MRPL2: variants seen among roughly 807,000 people sequenced by gnomAD.
The protein encoded by MRPL2 is mitochondrial ribosomal protein L2.
Under a neutral mutation model 34.6 loss-of-function variants are expected in MRPL2, and 27 were observed. That is an observed-to-expected ratio of 0.78 (90% CI 0.58 to 1.08). The LOEUF (loss-of-function observed/expected upper bound fraction) is 1.08, where lower values mean the gene tolerates loss of function less well. Among genes scored for constraint, MRPL2 ranks in the 50% least tolerant of loss-of-function variants. MRPL2 has a pLI of 0.00. For missense variants in MRPL2, 414 were observed against 419.3 expected, an observed-to-expected ratio of 0.99 and a Z score of 0.11; for synonymous variants, 155 against 158.0, an observed-to-expected ratio of 0.98 and a Z score of 0.14.
At chr6:43,059,258 A>T in intron 1 of MRPL2, 28 bp downstream of exon 1, 1 of 1,551,236 alleles carries the variant, frequency 6.4e-7, no homozygotes. Context: ...GAATGGAAGC[A>T]GCCTTCTTCC....
At position 43,059,406 on chromosome 6, in the gene MRPL2, C is replaced by A. The variant is rs897492168; in HGVS notation, c.-25G>T. ...TCAGCACGACACCCTTACTTTTAGC[C>A]AAGCTGCTCGGTGCTCCTAGATGAC... On this transcript the variant is annotated 5_prime_UTR_variant, in exon 1 of 7. Transcript: ENST00000388752. 3 of 1,524,142 alleles carry A rather than the reference C, an allele frequency of 2.0e-6. No homozygotes were observed. Among genetic ancestry groups the A allele is most frequent in the Non-Finnish European group, 2.7e-6 (3 of 1,129,986 alleles). 94.4% of individuals were successfully genotyped at this position (1,524,142 alleles called of 1,614,324 possible). A position where few individuals can be genotyped will look rare whatever the true frequency, so the allele number is the denominator to read the frequency against.
chr6:43,056,786 T>C (rs1413058341), intron 2 of MRPL2, among the ~76,000 whole-genome samples: 1 of 151,878 alleles, frequency 6.6e-6, no homozygotes, highest in African/African-American at 2.4e-5. Context: ...GCCATTCTCC[T>C]GCCTCAGTCT....
chr6:43,058,314 C>G, intron 1 of MRPL2, 81 bp from the exon 2 acceptor site: 1 of 1,418,548 alleles, frequency 7.0e-7, no homozygotes, highest in Non-Finnish European at 9.8e-7. Context: ...GGGCACAGAT[C>G]AATTTTAGCT....
chr6:43,058,771 C>T (rs1764974485), intron 1 of MRPL2, among the ~76,000 whole-genome samples: 1 of 152,296 alleles, frequency 6.6e-6, no homozygotes, highest in Non-Finnish European at 1.5e-5. Context: ...GGATACCTTC[C>T]CCTGAGGCCA....
In MRPL2 at chr6:43,054,224, G is replaced by T; in HGVS notation, c.*50C>A. ...AAAAAACACCCAAAACAAAACCACA[G>T]TAACAGATTAAAACGGGGGGGGGGG... On this transcript the variant is annotated 3_prime_UTR_variant, in exon 7 of 7. Transcript: ENST00000388752. 8.2e-7 allele frequency: 1 copy of T among 1,221,446 alleles called. No homozygotes were observed. Among genetic ancestry groups the T allele is most frequent in the Non-Finnish European group, 1.1e-6 (1 of 884,810 alleles). 75.7% of individuals were successfully genotyped at this position (1,221,446 alleles called of 1,614,324 possible).
In MRPL2 at chr6:43,058,957, G is replaced by T. The variant is rs559963277; in HGVS notation, c.96+329C>A. ...CATCTATAAAATGGGAATAGTAACT[G>T]CCTTATAGAGTATTTGAAAGGAGTT... is the stretch of plus-strand genomic sequence containing the variant. On this transcript the variant is annotated intron_variant, in intron 1 of 6. Coordinates refer to ENST00000388752, the MANE Select transcript of MRPL2 (RefSeq NM_015950.5). 3 of 627,552 alleles carry T rather than the reference G, an allele frequency of 4.8e-6. No individual in the cohort carries two copies. The Admixed American group carries it at 9.0e-5, about 19-fold the overall frequency. 38.9% of individuals were successfully genotyped at this position (627,552 alleles called of 1,614,324 possible).
In MRPL2 at chr6:43,054,305, A is replaced by T; in HGVS notation, c.887T>A (p.Val296Glu). 6.2e-7 allele frequency: 1 copy of T among 1,609,716 alleles called. No individual in the cohort carries two copies. The highest frequency in any genetic ancestry group is 1.1e-5 in the South Asian group (1 of 90,946). ...IRPLPPMKSY[V>E]KLPSASAQS ...TTGGGCAGAAGCAGAAGGCAGCTTC[A>T]CGTAACTCTTCATGGGGGGTAGTGG... Residue 296 changes from valine (V) to glutamate (E), a missense_variant, in exon 7 of 7, where the codon GTG (valine) becomes GAG (glutamate). Physicochemically the swap from Val to Glu is moderately radical, Grantham distance 121. Coordinates refer to ENST00000388752, the MANE Select transcript of MRPL2 (RefSeq NM_015950.5).
At chr6:43,057,063 T>C (rs1005100018) in intron 2 of MRPL2, among the ~76,000 whole-genome samples, 3 of 151,174 alleles carry the variant, frequency 2.0e-5, no homozygotes, top group African/African-American at 4.9e-5. Context: ...ATTTTTTGCA[T>C]GTGTGTGATG....
chr6:43,057,772 C>T (rs1764925099), intron 2 of MRPL2: 1 of 416,470 alleles, frequency 2.4e-6, no homozygotes, highest in Non-Finnish European at 4.2e-6. Flanking sequence ...AGCCACCTTA[C>T]CCAGCCTGTT....
chr6:43,054,856 T>C (rs531577740), intron 6 of MRPL2, among the ~76,000 whole-genome samples: 31 of 152,202 alleles, frequency 2.0e-4, no homozygotes, highest in African/African-American at 7.5e-4. Context: ...GGCAGGCAGA[T>C]TGCTTGAGCT....
chr6:43,059,487 CTG>C (rs1175005438), upstream of MRPL2: 1 of 1,450,252 alleles, frequency 6.9e-7, no homozygotes, highest in African/African-American at 1.4e-5. Flanking sequence ...GGGCAGAAAA[CTG>C]GAGCCCAAGC....
chr6:43,059,740 T>C (rs1765035480), upstream of MRPL2: 1 of 1,228,424 alleles, frequency 8.1e-7, no homozygotes, highest in African/African-American at 1.6e-5. Context: ...CCATCTCTTA[T>C]TCTCGCACTA....
chr6:43,056,099 G>T lies in MRPL2; in HGVS notation c.502C>A (p.His168Asn). 6.2e-7 allele frequency: 1 copy of T among 1,614,198 alleles called. No individual in the cohort carries two copies. The highest frequency in any genetic ancestry group is 1.1e-5 in the South Asian group (1 of 91,088). Reference sequence around the variant, plus strand: ...CTCTCACCTGCCATTCGGCCTATGTGGTTAGAGTTCAAGATTGTATCTCCA... The same window carrying T: ...CTCTCACCTGCCATTCGGCCTATGTTGTTAGAGTTCAAGATTGTATCTCCA... ...QAGDTILNSN[H>N]IGRMAVAARE... The change falls in exon 4 of 7, where the codon CAC becomes AAC. Residue 168 changes from histidine to asparagine, a missense_variant. Transcript: ENST00000388752.
Position 43,054,244 on chromosome 6 carries a change from G to A in MRPL2, c.*30C>T, listed in dbSNP as rs540391339. The A allele has an allele frequency of 3.1e-5, 43 of 1,395,972 alleles. No individual in the cohort carries two copies. The highest frequency in any genetic ancestry group is 4.1e-4 in the Middle Eastern group (2 of 4,834). The allele number at this position is 1,395,972 out of a possible 1,614,324, so 86.5% of individuals were successfully genotyped here. ...CCACAGTAACAGATTAAAACGGGGG[G>A]GGGGGGCATTTTATTAGAGTACAGG... is the stretch of plus-strand genomic sequence containing the variant. On this transcript the variant is annotated 3_prime_UTR_variant, in exon 7 of 7. Transcript: ENST00000388752.
At position 43,054,408 on chromosome 6, in the gene MRPL2, G is replaced by C; in HGVS notation, c.784C>G (p.Arg262Gly). The change falls in exon 7 of 7, where the codon CGC (arginine) becomes GGC (glycine). Residue 262 changes from arginine (R) to glycine (G), a missense_variant. Transcript: ENST00000388752. Reference sequence around the variant, plus strand: ...GGCCTCTTGCCCAGCCAGCGGTTGCGACCTGCCTTGCCAATGACCCGTTTG... The same window carrying C: ...GGCCTCTTGCCCAGCCAGCGGTTGCCACCTGCCTTGCCAATGACCCGTTTG... Reference protein sequence around the residue: ...HNKRVIGKAGRNRWLGKRPNS... With the variant: ...HNKRVIGKAGGNRWLGKRPNS... 6.2e-7 allele frequency: 1 copy of C among 1,614,212 alleles called. No individual in the cohort carries two copies. Among genetic ancestry groups the C allele is most frequent in the Non-Finnish European group, 8.5e-7 (1 of 1,180,042 alleles).
chr6:43,055,565 G>C lies in MRPL2; in HGVS notation c.685C>G (p.Pro229Ala). ...KVNGTAIIQL[P>A]SKRQMQVLET... ...CACACCTGCATCTGCCTCTTAGAGG[G>C]CAGCTGGATAATGGCTGTGCCATTC... Residue 229 changes from proline (P) to alanine (A), a missense_variant, in exon 6 of 7, where the codon CCC becomes GCC. Coordinates refer to ENST00000388752, the MANE Select transcript of MRPL2 (RefSeq NM_015950.5). 2 of 1,614,014 alleles carry C rather than the reference G, an allele frequency of 1.2e-6. No individual in the cohort carries two copies. Among genetic ancestry groups the C allele is most frequent in the Non-Finnish European group, 1.7e-6 (2 of 1,180,018 alleles).
chr6:43,054,602 GA>G (rs1330309722), intron 6 of MRPL2, 116 bp from the exon 7 acceptor site: 2 of 819,544 alleles, frequency 2.4e-6, no homozygotes, highest in Non-Finnish European at 3.8e-6. Flanking sequence ...GAGGGAAAAG[GA>G]AAAGCATAAG....
At chr6:43,056,988 T>C (rs1416843329) in intron 2 of MRPL2, among the ~76,000 whole-genome samples, 1 of 152,138 alleles carries the variant, frequency 6.6e-6, no homozygotes, top group African/African-American at 2.4e-5. Context: ...ATTTTCAAAT[T>C]ACTGAAATCA....
chr6:43,059,747 A>T, upstream of MRPL2: 5 of 1,216,378 alleles, frequency 4.1e-6, no homozygotes, highest in Non-Finnish European at 5.1e-6. Context: ...TTATTCTCGC[A>T]CTACCAGAAA....
Sources: gnomAD v4.1 joint callset for allele counts (sites outside exome capture counted in the v4.1 genomes callset) on GRCh38, gnomAD v4.1.1 for gene constraint, MANE v1.5 for transcripts, NCBI Gene and HGNC (gene_info 2026-07-23, HGNC 2026-07-21) for gene names.